Variants in KCNC2 observed in about 807,000 individuals in gnomAD.
KCNC2 encodes voltage-gated potassium channel KCNC2.
KCNC2 carries 21 observed loss-of-function variants against 44.5 expected under a neutral mutation model. That is an observed-to-expected ratio of 0.47 (90% confidence interval 0.33 to 0.68). KCNC2 has a LOEUF of 0.68. Ranked by LOEUF, KCNC2 falls within the 30% of genes least tolerant of loss-of-function variation. The pLI is 0.01. For missense variants in KCNC2, 589 were observed against 826.2 expected (o/e 0.71, Z 3.52); for synonymous variants, 391 against 339.1 (o/e 1.15, Z -1.68).
intron 2 of KCNC2, among the ~76,000 whole-genome samples, chr12:75,180,832 C>A (rs1320537624): frequency 1.3e-5 from 2 of 151,854 alleles, no homozygotes; most frequent in Non-Finnish European, 2.9e-5. Flanking sequence ...TAAAAGAACC[C>A]ACTATAAAAC....
chr12:75,130,709 A>G (rs1888776420), intron 2 of KCNC2, among the ~76,000 whole-genome samples: 1 of 151,686 alleles, frequency 6.6e-6, no homozygotes, highest in African/African-American at 2.4e-5. Context: ...AGGATTTTTT[A>G]TTTGACTTGG....
intron 2 of KCNC2, among the ~76,000 whole-genome samples, chr12:75,110,071 A>G (rs1887107193): frequency 6.6e-6 from 1 of 152,044 alleles, no homozygotes; most frequent in Non-Finnish European, 1.5e-5. Flanking sequence ...TATGCAAATA[A>G]TAAGAATTTC....
chr12:75,117,216 G>A (rs1199351124), intron 2 of KCNC2, among the ~76,000 whole-genome samples: 2 of 152,106 alleles, frequency 1.3e-5, no homozygotes, highest in Admixed American at 6.5e-5. Context: ...GCTTTCCGAC[G>A]CTTTGAGAAG....
At chr12:75,101,709 G>A (rs1886386516) in intron 2 of KCNC2, among the ~76,000 whole-genome samples, 1 of 151,960 alleles carries the variant, frequency 6.6e-6, no homozygotes, top group Non-Finnish European at 1.5e-5. Context: ...TCAAAGCTTT[G>A]GGTGTAAGAC....
intron 2 of KCNC2, among the ~76,000 whole-genome samples, chr12:75,171,687 G>A (rs1311796723): frequency 2.0e-5 from 3 of 151,808 alleles, no homozygotes; most frequent in Non-Finnish European, 4.4e-5. Flanking sequence ...ATAAGTTCTA[G>A]TGTTTGACAG....
intron 2 of KCNC2, among the ~76,000 whole-genome samples, chr12:75,081,867 G>T (rs1277980314): frequency 6.6e-6 from 1 of 151,964 alleles, no homozygotes; most frequent in Non-Finnish European, 1.5e-5. Flanking sequence ...TTGTTACCTA[G>T]ACACCTAAAC....
intron 2 of KCNC2, among the ~76,000 whole-genome samples, chr12:75,157,467 T>G (rs1220781461): frequency 6.6e-6 from 1 of 151,940 alleles, no homozygotes; most frequent in African/African-American, 2.4e-5. Flanking sequence ...GTCTTTTGGT[T>G]TCTTGTAACA....
At chr12:75,202,140 A>T (rs918720931) in intron 2 of KCNC2, among the ~76,000 whole-genome samples, 3 of 151,922 alleles carry the variant, frequency 2.0e-5, no homozygotes, top group African/African-American at 4.8e-5. Flanking sequence ...AAGATAAAAA[A>T]CTTTCCTTGT....
intron 2 of KCNC2, among the ~76,000 whole-genome samples, chr12:75,200,721 A>G (rs2031176786): frequency 6.6e-6 from 1 of 151,882 alleles, no homozygotes; most frequent in Non-Finnish European, 1.5e-5. Context: ...ACTAGTGAGC[A>G]CATTAAAATA....
intron 2 of KCNC2, among the ~76,000 whole-genome samples, chr12:75,086,719 A>C (rs1158609528): frequency 6.9e-6 from 1 of 144,586 alleles, no homozygotes; most frequent in African/African-American, 2.5e-5. Context: ...TATTTATCTT[A>C]AGTCATATAT....
At chr12:75,104,200 C>G (rs1263700240) in intron 2 of KCNC2, among the ~76,000 whole-genome samples, 1 of 152,050 alleles carries the variant, frequency 6.6e-6, no homozygotes, top group Non-Finnish European at 1.5e-5. Flanking sequence ...CCCGGATCAT[C>G]GAGCCATGAC....
intron 2 of KCNC2, among the ~76,000 whole-genome samples, chr12:75,189,784 T>A (rs2030018277): frequency 6.6e-6 from 1 of 152,194 alleles, no homozygotes; most frequent in Admixed American, 6.5e-5. Flanking sequence ...TCATATCTAA[T>A]GCAATTACAG....
At chr12:75,171,726 A>G (rs1891833645) in intron 2 of KCNC2, among the ~76,000 whole-genome samples, 1 of 151,818 alleles carries the variant, frequency 6.6e-6, no homozygotes, top group Non-Finnish European at 1.5e-5. Context: ...GTTAATAAGA[A>G]TTTACTGCAT....
At chr12:75,202,536 G>A (rs1270926266) in intron 2 of KCNC2, among the ~76,000 whole-genome samples, 1 of 151,794 alleles carries the variant, frequency 6.6e-6, no homozygotes, top group African/African-American at 2.4e-5. Context: ...GCATTGTCAT[G>A]ATGTTGGCCA....
Position 75,207,343 on chromosome 12 carries a change from C to T in KCNC2, c.641G>A (p.Arg214His), listed in dbSNP as rs773528753. The stretch of plus-strand genomic sequence containing the variant: ...GGGGTCTTCGAAGAGGGCCCACATG[C>T]GGGGCTGCAGCCTCCTCCAGCGGCC... ...KSGRWRRLQP[R>H]MWALFEDPYS... The change falls in exon 2 of 5, where the codon CGC becomes CAC. Residue 214 changes from arginine to histidine, a missense_variant. Physicochemically the swap from Arg to His is conservative, Grantham distance 29 (BLOSUM62 0). This residue lies in a region of KCNC2 where 97 missense variants were observed against 73.3 expected (regional missense o/e 1.32). Transcript: ENST00000549446. This position sits in a 1 kb window ranked among gnomAD's most constrained non-coding sequence, Gnocchi z 4.1. The T allele has an allele frequency of 2.5e-6, 4 of 1,572,814 alleles. No homozygotes were observed. Among genetic ancestry groups the T allele is most frequent in the African/African-American group, 1.4e-5 (1 of 73,308 alleles).
At chr12:75,077,568 C>T (rs1884107732) in intron 2 of KCNC2, among the ~76,000 whole-genome samples, 1 of 152,102 alleles carries the variant, frequency 6.6e-6, no homozygotes, top group Non-Finnish European at 1.5e-5. Flanking sequence ...TCCAGGATAA[C>T]TTGAAAGGGC....
intron 2 of KCNC2, among the ~76,000 whole-genome samples, chr12:75,059,638 G>T (rs1402928076): frequency 4.6e-5 from 7 of 151,912 alleles, no homozygotes; most frequent in Non-Finnish European, 1.0e-4. Context: ...AGGAAAATAG[G>T]TGTCTCCTAG....
In KCNC2 at chr12:75,041,395, G is replaced by T; in HGVS notation, c.*1710C>A. 7.2e-7 allele frequency: 1 copy of T among 1,389,280 alleles called. No homozygotes were observed. The highest frequency in any genetic ancestry group is 9.4e-7 in the Non-Finnish European group (1 of 1,069,470). The allele number at this position is 1,389,280 out of a possible 1,614,324, so 86.1% of individuals were successfully genotyped here. A position where few individuals can be genotyped will look rare whatever the true frequency, so the allele number is the denominator to read the frequency against. Reference sequence around the variant, plus strand: ...ATGCAGGTCATGCTCTAGGACTTGGGGATATAGAGTAATACATGTTTCGTG... The same window carrying T: ...ATGCAGGTCATGCTCTAGGACTTGGTGATATAGAGTAATACATGTTTCGTG... On this transcript the variant is annotated 3_prime_UTR_variant, in exon 5 of 5. Transcript: ENST00000549446.
At chr12:75,143,921 T>A (rs1194334359) in intron 2 of KCNC2, among the ~76,000 whole-genome samples, 1 of 152,190 alleles carries the variant, frequency 6.6e-6, no homozygotes, top group East Asian at 1.9e-4. Flanking sequence ...TTTTTTCTAA[T>A]ATGTCTGCTG....
Sources: allele counts gnomAD v4.1 joint callset (sites outside exome capture counted in the v4.1 genomes callset), GRCh38; gene constraint gnomAD v4.1.1; regional missense constraint gnomAD v4.1.1; non-coding constraint Gnocchi (gnomAD v3.1); transcripts MANE v1.5; gene names NCBI Gene and HGNC (gene_info 2026-07-23, HGNC 2026-07-21).